Variants in RANBP17 observed in about 807,000 individuals in gnomAD.
RANBP17 encodes the protein RAN binding protein 17, also known as ran-binding protein 17.
In RANBP17, 158 loss-of-function variants were observed where a neutral mutation model predicts 141.2. That is an observed-to-expected ratio of 1.12 (90% CI 0.98 to 1.28). The LOEUF is 1.28. Among genes scored for constraint, RANBP17 ranks in the 50% most tolerant of loss-of-function variants. RANBP17 has a pLI of 0.00. For synonymous variants in RANBP17, 430 were observed against 450.0 expected (o/e 0.96, Z 0.56); for missense variants, 1,438 against 1,290.7 (o/e 1.11, Z -1.75).
At chr5:170,903,639 C>T in intron 5 of RANBP17, 1 of 257,792 alleles carries the variant, frequency 3.9e-6, no homozygotes, top group South Asian at 6.6e-5. Flanking sequence ...CTCATAATGG[C>T]ATCTTGGCAA....
intron 14 of RANBP17, among the ~76,000 whole-genome samples, chr5:171,048,458 G>T (rs1486744105): frequency 6.6e-6 from 1 of 151,512 alleles, no homozygotes; most frequent in East Asian, 1.9e-4. Context: ...ACTGATGCTT[G>T]GATGTAGATC....
Position 170,919,618 on chromosome 5 carries a change from T to C in RANBP17, c.1274+5T>C. 6.4e-7 allele frequency: 1 copy of C among 1,552,346 alleles called. No individual in the cohort carries two copies. On this transcript the variant is annotated splice_donor_5th_base_variant and intron_variant, in intron 11 of 27. Coordinates refer to ENST00000523189, the MANE Select transcript of RANBP17 (RefSeq NM_022897.5). ...CTCTGTTGCCATAGTTGTGAGGTAT[T>C]CAAAAACTAAATGTTTTTGTTGTAT...
intron 14 of RANBP17, among the ~76,000 whole-genome samples, chr5:171,002,382 G>A (rs1386998811): frequency 1.3e-5 from 2 of 152,154 alleles, no homozygotes; most frequent in African/African-American, 2.4e-5. Flanking sequence ...CAGCATAAGC[G>A]TTGCCCTGAG....
chr5:170,976,911 T>C (rs1777417974), intron 14 of RANBP17, among the ~76,000 whole-genome samples: 2 of 152,090 alleles, frequency 1.3e-5, no homozygotes, highest in African/African-American at 4.8e-5. Flanking sequence ...GCTTAAAACA[T>C]AGAAGTAAGT....
chr5:170,931,177 T>C (rs1773343515), intron 12 of RANBP17, among the ~76,000 whole-genome samples: 1 of 152,266 alleles, frequency 6.6e-6, no homozygotes, highest in Non-Finnish European at 1.5e-5. Context: ...ATGAGCATTT[T>C]TTCATATGTC....
At chr5:170,989,771 C>T (rs918571894) in intron 14 of RANBP17, among the ~76,000 whole-genome samples, 2 of 151,426 alleles carry the variant, frequency 1.3e-5, no homozygotes, top group Non-Finnish European at 3.0e-5. Flanking sequence ...TATCTAATAT[C>T]CAGGAAGGAA....
chr5:171,090,951 G>C (rs538784031), intron 14 of RANBP17, among the ~76,000 whole-genome samples: 29 of 152,362 alleles, frequency 1.9e-4, no homozygotes, highest in African/African-American at 6.7e-4. Flanking sequence ...AGGCCCTCAT[G>C]GAGAACCTCT....
intron 14 of RANBP17, among the ~76,000 whole-genome samples, chr5:171,116,684 C>T (rs952793007): frequency 6.6e-6 from 1 of 152,060 alleles, no homozygotes; most frequent in Non-Finnish European, 1.5e-5. Context: ...TATACAATAT[C>T]TTCTATTTAA....
At chr5:170,970,180 A>AT (rs1217976935) in intron 14 of RANBP17, among the ~76,000 whole-genome samples, 3 of 151,856 alleles carry the variant, frequency 2.0e-5, no homozygotes, top group South Asian at 4.2e-4. Context: ...TATATATACA[A>AT]TTTTTTTAGC....
intron 14 of RANBP17, among the ~76,000 whole-genome samples, chr5:171,160,723 T>G (rs759756325): frequency 5.3e-5 from 8 of 152,210 alleles, no homozygotes; most frequent in Admixed American, 2.0e-4. Flanking sequence ...TTTGCCTGCT[T>G]AAGTCATTAG....
chr5:170,873,684 G>A (rs1767937539), intron 1 of RANBP17, among the ~76,000 whole-genome samples: 8 of 152,166 alleles, frequency 5.3e-5, no homozygotes, highest in Admixed American at 3.9e-4. Flanking sequence ...GGGGTCAGTA[G>A]TGATAATCCT....
chr5:170,876,347 C>T (rs1452518500), intron 1 of RANBP17, among the ~76,000 whole-genome samples: 1 of 152,054 alleles, frequency 6.6e-6, no homozygotes, highest in Non-Finnish European at 1.5e-5. Context: ...GTGGGAGCCT[C>T]CGATCGCCAC....
intron 25 of RANBP17, among the ~76,000 whole-genome samples, chr5:171,283,092 A>T (rs1298263494): frequency 6.6e-6 from 1 of 151,970 alleles, no homozygotes; most frequent in Admixed American, 6.6e-5. Context: ...CTTATTCTCA[A>T]CAACAGATCC....
chr5:170,952,453 A>G (rs1333841624), intron 12 of RANBP17, among the ~76,000 whole-genome samples: 1 of 152,050 alleles, frequency 6.6e-6, no homozygotes, highest in East Asian at 1.9e-4. Flanking sequence ...ATTTACAGGA[A>G]TCTTGTCACC....
At chr5:171,173,143 A>G (rs1163862421) in intron 16 of RANBP17, among the ~76,000 whole-genome samples, 1 of 152,064 alleles carries the variant, frequency 6.6e-6, no homozygotes, top group Non-Finnish European at 1.5e-5. Context: ...CTGATCAGTC[A>G]TGAAATATCT....
intron 18 of RANBP17, among the ~76,000 whole-genome samples, chr5:171,195,457 C>T (rs1034737749): frequency 1.3e-5 from 2 of 152,210 alleles, no homozygotes; most frequent in African/African-American, 2.4e-5. Context: ...CAACATTTCA[C>T]GTTGCAATCA....
chr5:170,943,638 TA>T (rs1003393311), intron 12 of RANBP17, among the ~76,000 whole-genome samples: 16 of 152,090 alleles, frequency 1.1e-4, no homozygotes, highest in South Asian at 4.1e-4. Context: ...AAATGAGATT[TA>T]AAAAAAATTA....
In RANBP17 at chr5:171,209,614, G is replaced by A. The variant is rs565412727; in HGVS notation, c.2231+4002G>A. Among the ~76,000 whole-genome samples the A allele has an allele frequency of 1.3e-4, 20 of 152,290 alleles. No homozygotes were observed. The East Asian group carries it at 2.9e-3, about 22-fold the overall frequency. ...CTAATAAACAATAAAATGTCAGTGCGTTATAACAGAGATGCATGCAAAGGG... is the reference window on the plus strand; with the variant it reads ...CTAATAAACAATAAAATGTCAGTGCATTATAACAGAGATGCATGCAAAGGG... On this transcript the variant is annotated intron_variant, in intron 20 of 27. Coordinates refer to ENST00000523189, the MANE Select transcript of RANBP17 (RefSeq NM_022897.5).
intron 24 of RANBP17, among the ~76,000 whole-genome samples, chr5:171,264,719 G>A (rs1766552718): frequency 6.6e-6 from 1 of 152,136 alleles, no homozygotes; most frequent in African/African-American, 2.4e-5. Context: ...TATAAATGGT[G>A]AAAAAACGTG....
Sources: gnomAD v4.1 joint callset for allele counts (sites outside exome capture counted in the v4.1 genomes callset) on GRCh38, gnomAD v4.1.1 for gene constraint, MANE v1.5 for transcripts, NCBI Gene and HGNC (gene_info 2026-07-23, HGNC 2026-07-21) for gene names.